The following SMOC2 variants were observed in gnomAD, a reference collection of about 807,000 sequenced individuals.
SMOC2 encodes the protein SPARC related modular calcium binding 2.
A neutral mutation model predicts 61.4 loss-of-function variants in SMOC2; 39 were observed. The observed-to-expected ratio is 0.64, with a 90% CI of 0.49 to 0.83. The LOEUF (loss-of-function observed/expected upper bound fraction) is 0.83. SMOC2 is among the 40% of genes least tolerant of loss of function. SMOC2 has a pLI of 0.00. For synonymous variants in SMOC2, 247 were observed against 239.9 expected, an observed-to-expected ratio of 1.03 and a Z score of -0.27; for missense variants, 556 against 592.9, an observed-to-expected ratio of 0.94 and a Z score of 0.65.
chr6:168,496,613 G>A (rs961843695), intron 1 of SMOC2, among the ~76,000 whole-genome samples: 2 of 152,180 alleles, frequency 1.3e-5, no homozygotes, highest in Non-Finnish European at 1.5e-5. Flanking sequence ...CTTCTGAGAG[G>A]TTTCTTCCTT....
At chr6:168,629,814 A>G (rs1368831167) in intron 9 of SMOC2, among the ~76,000 whole-genome samples, 1 of 152,196 alleles carries the variant, frequency 6.6e-6, no homozygotes, top group Non-Finnish European at 1.5e-5. Context: ...GTTTAATAGA[A>G]TAGTATATTT....
intron 1 of SMOC2, among the ~76,000 whole-genome samples, chr6:168,448,703 G>A (rs1234799443): frequency 6.6e-6 from 1 of 152,130 alleles, no homozygotes; most frequent in Non-Finnish European, 1.5e-5. Flanking sequence ...CACATCTTTT[G>A]CTAAACTCCC....
chr6:168,638,109 C>T (rs952453886), intron 9 of SMOC2, among the ~76,000 whole-genome samples: 1 of 151,826 alleles, frequency 6.6e-6, no homozygotes, highest in African/African-American at 2.4e-5. Flanking sequence ...AGCATTTCCT[C>T]TCCCTGCACA....
intron 1 of SMOC2, among the ~76,000 whole-genome samples, chr6:168,459,183 G>A (rs968518423): frequency 6.6e-6 from 1 of 152,202 alleles, no homozygotes; most frequent in Non-Finnish European, 1.5e-5. Context: ...GGAAGGTCCT[G>A]GAGCAAACGG....
chr6:168,480,061 A>T (rs1782172315), intron 1 of SMOC2, among the ~76,000 whole-genome samples: 1 of 151,548 alleles, frequency 6.6e-6, no homozygotes, highest in African/African-American at 2.4e-5. Context: ...CATCCTTGGC[A>T]CAGAGACAGC....
rs77364549 is a variant in SMOC2, at chr6:168,457,913, G to A, written c.84+16459G>A. Among the ~76,000 whole-genome samples the A allele has an allele frequency of 2.0e-5, 3 of 152,040 alleles. No individual in the cohort carries two copies. The East Asian group carries it at 5.8e-4, about 29-fold the overall frequency. ...TCAAGGTGGGGGGCCCTTGCAGCCTGTGTGCCATCATCTTCTGGGGAGGGG... is the reference window on the plus strand; with the variant it reads ...TCAAGGTGGGGGGCCCTTGCAGCCTATGTGCCATCATCTTCTGGGGAGGGG... On this transcript the variant is annotated intron_variant, in intron 1 of 12. Transcript: ENST00000356284.
At position 168,487,527 on chromosome 6, in the gene SMOC2, C is replaced by T. The variant is rs9295064; in HGVS notation, c.85-22388C>T. Among the ~76,000 whole-genome samples, 1,396 of 152,072 alleles carry T rather than the reference C, an allele frequency of 9.2e-3. 22 individuals carry two copies. The highest frequency in any genetic ancestry group is 0.032 in the African/African-American group (1,328 of 41,486). ...AATTACCTTTTTTCTTTTTTTGAGA[C>T]GGATCTTGCTCTGTTGCCCAGGTGC... On this transcript the variant is annotated intron_variant, in intron 1 of 12. Coordinates refer to ENST00000356284, the MANE Select transcript of SMOC2 (RefSeq NM_001166412.2).
chr6:168,529,477 C>T (rs1273295499), intron 4 of SMOC2, among the ~76,000 whole-genome samples: 2 of 152,198 alleles, frequency 1.3e-5, no homozygotes, highest in Non-Finnish European at 2.9e-5. Flanking sequence ...TCCTTCTACC[C>T]CTGGTTCACC....
At chr6:168,459,704 G>A (rs1418468507) in intron 1 of SMOC2, among the ~76,000 whole-genome samples, 1 of 144,390 alleles carries the variant, frequency 6.9e-6, no homozygotes, top group African/African-American at 2.6e-5. Context: ...GCCCTGGGGT[G>A]GGTGAGCCAG....
At chr6:168,659,713 G>GTTGT (rs1562410934) in intron 11 of SMOC2, among the ~76,000 whole-genome samples, 9 of 20,720 alleles carry the variant, frequency 4.3e-4, no homozygotes, top group Admixed American at 1.0e-3. Flanking sequence ...GAGGTTGTAG[G>GTTGT]CTGAGTGAGG....
At chr6:168,589,988 G>A (rs1327239695) in intron 7 of SMOC2, among the ~76,000 whole-genome samples, 1 of 29,784 alleles carries the variant, frequency 3.4e-5, no homozygotes, top group Non-Finnish European at 6.8e-5. Context: ...GGGGGCAGCC[G>A]GCCTGGTGGT....
intron 7 of SMOC2, among the ~76,000 whole-genome samples, chr6:168,569,236 A>T (rs891545797): frequency 1.3e-5 from 2 of 152,150 alleles, no homozygotes; most frequent in African/African-American, 4.8e-5. Context: ...ATAGGTTTGC[A>T]TTGGTGTCTC....
intron 9 of SMOC2, among the ~76,000 whole-genome samples, chr6:168,650,196 C>T (rs981231612): frequency 2.0e-5 from 3 of 152,120 alleles, no homozygotes; most frequent in African/African-American, 7.2e-5. Flanking sequence ...AGGAGACGGG[C>T]GTTGGGGAGC....
At chr6:168,529,890 C>A (rs372470746) in intron 4 of SMOC2, among the ~76,000 whole-genome samples, 1 of 152,158 alleles carries the variant, frequency 6.6e-6, no homozygotes, top group Non-Finnish European at 1.5e-5. Flanking sequence ...GATCTGTAGG[C>A]GCCAGGGAGC....
At chr6:168,547,191 A>G in intron 6 of SMOC2, 22 bp downstream of exon 6, 1 of 1,612,264 alleles carries the variant, frequency 6.2e-7, no homozygotes. Context: ...TGGGGATTGC[A>G]CAGTCTGGGT....
intron 1 of SMOC2, among the ~76,000 whole-genome samples, chr6:168,487,558 T>C (rs1277580652): frequency 6.6e-6 from 1 of 152,138 alleles, no homozygotes; most frequent in East Asian, 1.9e-4. Flanking sequence ...GGTGCTGGAG[T>C]GCAGTGTGCG....
At position 168,568,652 on chromosome 6, in the gene SMOC2, C is replaced by T. The variant is rs986918579; in HGVS notation, c.637+19449C>T. 2.6e-5 allele frequency among the ~76,000 whole-genome samples: 4 copies of T among 152,088 alleles called. No individual in the cohort carries two copies. The South Asian group carries it at 8.3e-4, about 32-fold the overall frequency. ...GGTATCATATAGAGTTGTTTCACTGCCCTGAAAACCCTCTGAGCTCCACCT... is the reference window on the plus strand; with the variant it reads ...GGTATCATATAGAGTTGTTTCACTGTCCTGAAAACCCTCTGAGCTCCACCT... On this transcript the variant is annotated intron_variant, in intron 7 of 12. Transcript: ENST00000356284.
At chr6:168,607,869 T>TCCAACCCTGCAACGGGCGGAGGG (rs1440562829) in intron 8 of SMOC2, among the ~76,000 whole-genome samples, 1 of 56,678 alleles carries the variant, frequency 1.8e-5, no homozygotes, top group Non-Finnish European at 3.9e-5. Context: ...TGTGGGTGCT[T>TCCAACCCTGCAACGGGCGGAGGG]GGCAGCTGCT....
At chr6:168,492,892 C>T (rs766413715) in intron 1 of SMOC2, among the ~76,000 whole-genome samples, 9 of 152,152 alleles carry the variant, frequency 5.9e-5, no homozygotes, top group Non-Finnish European at 8.8e-5. Context: ...TTGTTAGGAT[C>T]GAATGGAATC....
Sources: allele counts gnomAD v4.1 joint callset (sites outside exome capture counted in the v4.1 genomes callset), GRCh38; gene constraint gnomAD v4.1.1; transcripts MANE v1.5; gene names NCBI Gene and HGNC (gene_info 2026-07-23, HGNC 2026-07-21).